Variants in PPP1R12A observed in about 807,000 individuals in gnomAD.
The protein encoded by PPP1R12A is myosin binding subunit.
PPP1R12A carries 19 observed loss-of-function variants against 139.6 expected under a neutral mutation model. That is an observed-to-expected ratio of 0.14 (90% CI 0.09 to 0.20). The LOEUF (loss-of-function observed/expected upper bound fraction) is 0.20. PPP1R12A is among the 10% of genes least tolerant of loss of function. PPP1R12A has a pLI of 1.00. For missense variants in PPP1R12A, 925 were observed against 1,211.5 expected (o/e 0.76, Z 3.51); for synonymous variants, 427 against 420.6 (o/e 1.02, Z -0.19).
intron 14 of PPP1R12A, among the ~76,000 whole-genome samples, chr12:79,805,010 C>T (rs907315193): frequency 6.6e-6 from 1 of 152,088 alleles, no homozygotes; most frequent in African/African-American, 2.4e-5. Flanking sequence ...TTTAAGCACA[C>T]AAAATAAATT....
chr12:79,859,671 G>A (rs530179825), intron 2 of PPP1R12A, among the ~76,000 whole-genome samples: 38 of 152,232 alleles, frequency 2.5e-4, no homozygotes, highest in African/African-American at 8.4e-4. Flanking sequence ...TAAGGAGGCC[G>A]AAGCAGAAGA....
intron 1 of PPP1R12A, among the ~76,000 whole-genome samples, chr12:79,916,605 G>A (rs1027771223): frequency 6.6e-6 from 1 of 151,958 alleles, no homozygotes; most frequent in Non-Finnish European, 1.5e-5. Context: ...ACTTTCTGTA[G>A]TCCACTTGCA....
chr12:79,845,709 G>A lies in PPP1R12A; in HGVS notation c.369-289C>T, dbSNP rs188116358. Among the ~76,000 whole-genome samples the A allele has an allele frequency of 2.8e-3, 430 of 152,028 alleles. 2 individuals are homozygous for A. The highest frequency in any genetic ancestry group is 9.6e-3 in the African/African-American group (398 of 41,476). On this transcript the variant is annotated intron_variant, in intron 2 of 24. Transcript: ENST00000450142. ...AAATTAGCCGGGCGTGGTGGTGGGC[G>A]CCTGTAGTCCCAGCTACTCAGGAGG...
At chr12:79,869,223 G>C (rs1382787129) in intron 2 of PPP1R12A, among the ~76,000 whole-genome samples, 2 of 152,140 alleles carry the variant, frequency 1.3e-5, no homozygotes, top group Non-Finnish European at 2.9e-5. Context: ...CTATTCACTT[G>C]GCTTCTATTA....
chr12:79,848,240 T>C (rs1879639187), intron 2 of PPP1R12A, among the ~76,000 whole-genome samples: 1 of 152,186 alleles, frequency 6.6e-6, no homozygotes, highest in African/African-American at 2.4e-5. Context: ...AAAAGAATAT[T>C]TCCTCATATA....
intron 2 of PPP1R12A, among the ~76,000 whole-genome samples, chr12:79,867,953 A>G (rs1882161188): frequency 6.6e-6 from 1 of 152,204 alleles, no homozygotes; most frequent in African/African-American, 2.4e-5. Context: ...CTGTGAGTCA[A>G]TTAAATCTTG....
At chr12:79,868,880 C>T (rs945549500) in intron 2 of PPP1R12A, among the ~76,000 whole-genome samples, 2 of 152,062 alleles carry the variant, frequency 1.3e-5, no homozygotes, top group Admixed American at 6.6e-5. Context: ...AGTACCTGAC[C>T]TGATATATAT....
At chr12:79,905,715 A>G (rs1053736603) in intron 1 of PPP1R12A, among the ~76,000 whole-genome samples, 1 of 152,162 alleles carries the variant, frequency 6.6e-6, no homozygotes, top group Non-Finnish European at 1.5e-5. Flanking sequence ...TGTATTTTTA[A>G]TTATGATTTT....
At chr12:79,895,442 T>A (rs1885045604) in intron 1 of PPP1R12A, among the ~76,000 whole-genome samples, 1 of 152,178 alleles carries the variant, frequency 6.6e-6, no homozygotes, top group Non-Finnish European at 1.5e-5. Flanking sequence ...AATTAAAATA[T>A]ACTAGTAAAT....
chr12:79,909,196 T>C (rs1394356533), intron 1 of PPP1R12A, among the ~76,000 whole-genome samples: 1 of 152,248 alleles, frequency 6.6e-6, no homozygotes, highest in East Asian at 1.9e-4. Flanking sequence ...GTACCTCATT[T>C]TCTTCACAGG....
chr12:79,910,919 GA>G (rs1309853923), intron 1 of PPP1R12A, among the ~76,000 whole-genome samples: 1 of 152,116 alleles, frequency 6.6e-6, no homozygotes, highest in African/African-American at 2.4e-5. Context: ...ACAGAATTCT[GA>G]AGATCAATAT....
chr12:79,933,174 AG>A (rs1888378657), intron 1 of PPP1R12A, among the ~76,000 whole-genome samples: 1 of 152,258 alleles, frequency 6.6e-6, no homozygotes, highest in African/African-American at 2.4e-5. Flanking sequence ...AATGAAATTG[AG>A]AAAGCGCTAG....
intron 1 of PPP1R12A, among the ~76,000 whole-genome samples, chr12:79,900,325 G>A (rs1455347198): frequency 1.3e-5 from 2 of 152,220 alleles, no homozygotes; most frequent in South Asian, 2.1e-4. Context: ...CTACACACAT[G>A]CATATAGAAA....
chr12:79,922,008 T>C (rs573070816), intron 1 of PPP1R12A, among the ~76,000 whole-genome samples: 23 of 152,328 alleles, frequency 1.5e-4, no homozygotes, highest in African/African-American at 5.5e-4. Context: ...CCAAGCACTT[T>C]GGGATGCCAA....
chr12:79,864,370 GC>G (rs1257458849), intron 2 of PPP1R12A, among the ~76,000 whole-genome samples: 12 of 152,078 alleles, frequency 7.9e-5, no homozygotes, highest in Admixed American at 7.9e-4. Flanking sequence ...AGCACTAAAT[GC>G]CCACAAGAGA....
intron 9 of PPP1R12A, among the ~76,000 whole-genome samples, chr12:79,814,572 T>G (rs1026074717): frequency 6.7e-6 from 1 of 149,974 alleles, no homozygotes; most frequent in East Asian, 1.9e-4. Context: ...TCCTAGCACT[T>G]TGCAAGGCCG....
intron 22 of PPP1R12A, among the ~76,000 whole-genome samples, chr12:79,786,004 C>T (rs1385072498): frequency 6.6e-6 from 1 of 152,080 alleles, no homozygotes; most frequent in African/African-American, 2.4e-5. Context: ...ATAACCTTTA[C>T]TTGAACAAAC....
intron 14 of PPP1R12A, among the ~76,000 whole-genome samples, chr12:79,803,563 T>G (rs753946914): frequency 1.5e-4 from 23 of 152,162 alleles, no homozygotes; most frequent in Non-Finnish European, 2.8e-4. Flanking sequence ...ATACATTTTT[T>G]AGGCAAATTT....
chr12:79,863,325 C>T (rs555732830), intron 2 of PPP1R12A, among the ~76,000 whole-genome samples: 27 of 152,190 alleles, frequency 1.8e-4, no homozygotes, highest in Admixed American at 1.5e-3. Context: ...AAGCACTAAA[C>T]ATGGAAAGGT....
Sources: allele counts gnomAD v4.1 joint callset (sites outside exome capture counted in the v4.1 genomes callset), GRCh38; gene constraint gnomAD v4.1.1; transcripts MANE v1.5; gene names NCBI Gene and HGNC (gene_info 2026-07-23, HGNC 2026-07-21).